The following GNL3L variants were observed in gnomAD, a reference collection of about 807,000 sequenced individuals.
GNL3L encodes G protein nucleolar 3 like, also known as guanine nucleotide-binding protein-like 3-like protein.
In GNL3L, 4 loss-of-function variants were observed where a neutral mutation model predicts 42.9. The ratio of observed to expected loss-of-function variants is 0.09; its 90% CI spans 0.05 to 0.21. The LOEUF (loss-of-function observed/expected upper bound fraction) is 0.21. Among genes scored for constraint, GNL3L ranks in the 10% least tolerant of loss-of-function variants. GNL3L has a pLI of 1.00. For synonymous variants in GNL3L, 159 were observed against 176.3 expected (o/e 0.90, Z 0.78); for missense variants, 412 against 481.7 (o/e 0.86, Z 1.36).
chrX:54,531,421 G>T (rs1924242873), intron 1 of GNL3L, among the ~76,000 whole-genome samples: 1 of 111,160 alleles, frequency 9.0e-6, no homozygotes. Flanking sequence ...GTGGAGCTCA[G>T]ATCTGTTTCT....
chrX:54,594,717 G>A (rs982229651), intron 16 of GNL3L, among the ~76,000 whole-genome samples: 1 of 110,164 alleles, frequency 9.1e-6, no homozygotes, highest in Non-Finnish European at 1.9e-5. Context: ...TTTAGTAAAG[G>A]TGATTTTCTC....
chrX:54,569,043 A>G (rs1357987930), downstream of GNL3L, among the ~76,000 whole-genome samples: 2 of 112,426 alleles, frequency 1.8e-5, no homozygotes, highest in Non-Finnish European at 3.7e-5. Flanking sequence ...TTAACCATGT[A>G]AAGTAACATA....
chrX:54,547,085 C>T (rs1213826467), intron 8 of GNL3L, among the ~76,000 whole-genome samples: 1 of 106,023 alleles, frequency 9.4e-6, no homozygotes, highest in Non-Finnish European at 1.9e-5. Flanking sequence ...CAACCTCTGC[C>T]TCCCGGGTTC....
At chrX:54,588,660 A>G (rs1033412057) in intron 16 of GNL3L, among the ~76,000 whole-genome samples, 3 of 111,404 alleles carry the variant, frequency 2.7e-5, no homozygotes, top group Non-Finnish European at 5.7e-5. Context: ...CCCTGTCTCT[A>G]CTAAAAATAC....
At chrX:54,581,030 C>T (rs1925707773) in intron 16 of GNL3L, among the ~76,000 whole-genome samples, 1 of 111,486 alleles carries the variant, frequency 9.0e-6, no homozygotes, top group Admixed American at 9.6e-5. Context: ...ATCTGCCTGC[C>T]TCAGCCTCCC....
At chrX:54,594,554 T>TAAAA (rs556879366) in intron 16 of GNL3L, among the ~76,000 whole-genome samples, 1,137 of 104,861 alleles carry the variant, frequency 0.011, 15 homozygotes, top group African/African-American at 0.039. Context: ...TTTTTTTTTT[T>TAAAA]AAAAAAAAAT....
chrX:54,590,483 GAA>G (rs1478790902), intron 16 of GNL3L, among the ~76,000 whole-genome samples: 1 of 111,722 alleles, frequency 9.0e-6, no homozygotes, highest in African/African-American at 3.3e-5. Context: ...TTCCATTGAT[GAA>G]AGAGTTGTTT....
intron 16 of GNL3L, among the ~76,000 whole-genome samples, chrX:54,602,923 A>G (rs1045639645): frequency 2.7e-5 from 3 of 112,036 alleles, no homozygotes; most frequent in African/African-American, 9.7e-5. Context: ...TCTTGATTTC[A>G]GTGTTGTTAA....
At position 54,551,639 on chromosome X, in the gene GNL3L, A is replaced by T. The variant is rs752904473; in HGVS notation, c.935A>T (p.Asn312Ile). 1 of 1,208,740 alleles carries T rather than the reference A, an allele frequency of 8.3e-7. No individual in the cohort carries two copies. The highest frequency in any genetic ancestry group is 1.8e-5 in the South Asian group (1 of 56,886). Residue 312 changes from asparagine to isoleucine, a missense_variant, in exon 11 of 16, where the codon AAC becomes ATC. Transcript: ENST00000360845. ...GCTCCAGGCATTGTCCCAGGGCCCA[A>T]CTCAGAGGTGGGCACCATCCTGCGT... is the stretch of plus-strand genomic sequence containing the variant. ...LDAPGIVPGPNSEVGTILRNC... is the reference protein window; with the variant it reads ...LDAPGIVPGPISEVGTILRNC...
intron 16 of GNL3L, among the ~76,000 whole-genome samples, chrX:54,607,941 C>T (rs1016685182): frequency 8.9e-6 from 1 of 112,206 alleles, no homozygotes; most frequent in African/African-American, 3.2e-5. Context: ...GAATAATTTA[C>T]TGTTACATGG....
the GNL3L span, among the ~76,000 whole-genome samples, chrX:54,632,863 G>A: frequency 9.0e-6 from 1 of 111,537 alleles, no homozygotes. Context: ...TACCAGAAAT[G>A]TTTTTCTGGT....
intron 16 of GNL3L, among the ~76,000 whole-genome samples, chrX:54,595,065 CAAT>C (rs1351729097): frequency 8.9e-6 from 1 of 112,049 alleles, no homozygotes; most frequent in Non-Finnish European, 1.9e-5. Flanking sequence ...ACCACAGTTA[CAAT>C]GTTATAATAT....
At chrX:54,607,026 TTCTTTC>T (rs1569542581) in intron 16 of GNL3L, among the ~76,000 whole-genome samples, 1 of 65,998 alleles carries the variant, frequency 1.5e-5, no homozygotes, top group Non-Finnish European at 2.5e-5. Flanking sequence ...CTTTCTTTCT[TTCTTTC>T]TTTCTTTCTT....
At chrX:54,551,789 C>T in intron 11 of GNL3L, 43 bp from the exon 12 acceptor site, 1 of 1,208,570 alleles carries the variant, frequency 8.3e-7, no homozygotes, top group Non-Finnish European at 1.1e-6. Context: ...TCTAAGGGCC[C>T]TTCATTCCTC....
intron 16 of GNL3L, among the ~76,000 whole-genome samples, chrX:54,592,197 T>C (rs1271683277): frequency 1.8e-5 from 2 of 112,384 alleles, no homozygotes; most frequent in Non-Finnish European, 3.8e-5. Context: ...CCAGTTCTAA[T>C]AGAGTTTTCT....
At chrX:54,619,340 G>T (rs1332952517) in intron 16 of GNL3L, among the ~76,000 whole-genome samples, 7 of 111,317 alleles carry the variant, frequency 6.3e-5, no homozygotes, top group Middle Eastern at 4.7e-3. Context: ...ATGGAAAGAT[G>T]ATGACAATTT....
At position 54,566,005 on chromosome X, in the gene GNL3L, G is replaced by C. The variant is rs931040578; in HGVS notation, c.*5403G>C. On this transcript the variant is annotated 3_prime_UTR_variant, in exon 16 of 16. Coordinates refer to ENST00000360845, the MANE Select transcript of GNL3L (RefSeq NM_001184819.2). ...TTGGCTAACTTTTATATTTTTACCAGAGACAAGGTTTCACCATGTTGGCAA... is the reference window on the plus strand; with the variant it reads ...TTGGCTAACTTTTATATTTTTACCACAGACAAGGTTTCACCATGTTGGCAA... Among the ~76,000 whole-genome samples, 1 of 108,821 alleles carries C rather than the reference G, an allele frequency of 9.2e-6. No individual in the cohort carries two copies. Among genetic ancestry groups the C allele is most frequent in the African/African-American group, 3.4e-5 (1 of 29,831 alleles). 94.5% of individuals were successfully genotyped at this position (108,821 alleles called of 115,157 possible). A position where few individuals can be genotyped will look rare whatever the true frequency, so the allele number is the denominator to read the frequency against.
intron 16 of GNL3L, among the ~76,000 whole-genome samples, chrX:54,597,737 T>C (rs1382660498): frequency 1.8e-5 from 2 of 111,566 alleles, no homozygotes; most frequent in Non-Finnish European, 3.8e-5. Flanking sequence ...CCTGGGATCA[T>C]TGATTCCCTC....
At chrX:54,578,039 G>A (rs1333693619) in intron 16 of GNL3L, among the ~76,000 whole-genome samples, 1 of 111,784 alleles carries the variant, frequency 8.9e-6, no homozygotes, top group African/African-American at 3.3e-5. Context: ...CACCGCACCC[G>A]GCCCTTTGTG....
Sources: allele counts gnomAD v4.1 joint callset (sites outside exome capture counted in the v4.1 genomes callset), GRCh38; gene constraint gnomAD v4.1.1; transcripts MANE v1.5; gene names NCBI Gene and HGNC (gene_info 2026-07-23, HGNC 2026-07-21).